MLIP: variants seen among roughly 807,000 people sequenced by gnomAD.
MLIP encodes muscular LMNA-interacting protein.
Under a neutral mutation model 84.8 loss-of-function variants are expected in MLIP, and 79 were observed. The ratio of observed to expected loss-of-function variants is 0.93; its 90% CI spans 0.78 to 1.12. MLIP has a LOEUF of 1.12. MLIP is among the 50% of genes most tolerant of loss of function. MLIP has a pLI of 0.00. For missense variants in MLIP, 1,257 were observed against 1,160.6 expected (o/e 1.08, Z -1.21); for synonymous variants, 504 against 463.0 (o/e 1.09, Z -1.14).
chr6:54,186,271 T>A (rs1365174877), intron 9 of MLIP, among the ~76,000 whole-genome samples: 2 of 152,190 alleles, frequency 1.3e-5, no homozygotes, highest in African/African-American at 4.8e-5. Flanking sequence ...AATAGAAATA[T>A]TTTAGGAACA....
At chr6:54,201,989 TA>T (rs897487231) in intron 10 of MLIP, 115 bp from the exon 11 acceptor site, 8 of 723,808 alleles carry the variant, frequency 1.1e-5, no homozygotes, top group African/African-American at 7.4e-5. Context: ...ATTTTAAAAT[TA>T]AAAAAATATA....
At chr6:54,178,924 T>C (rs1776575500) in intron 9 of MLIP, among the ~76,000 whole-genome samples, 1 of 152,210 alleles carries the variant, frequency 6.6e-6, no homozygotes, top group Non-Finnish European at 1.5e-5. Context: ...TGGTCTATAG[T>C]GCAGATTAAG....
At chr6:54,087,306 T>C (rs1008354627) in intron 1 of MLIP, among the ~76,000 whole-genome samples, 3 of 152,312 alleles carry the variant, frequency 2.0e-5, no homozygotes, top group African/African-American at 7.2e-5. Flanking sequence ...TGTAAACTGC[T>C]GAAGAGGTGG....
chr6:54,026,212 T>C (rs1561873888), intron 1 of MLIP, among the ~76,000 whole-genome samples: 1 of 152,182 alleles, frequency 6.6e-6, no homozygotes, highest in Non-Finnish European at 1.5e-5. Flanking sequence ...ATTATATGGT[T>C]GATCTCTCTG....
intron 11 of MLIP, chr6:54,216,393 A>C: frequency 1.0e-6 from 1 of 985,264 alleles, no homozygotes; most frequent in Non-Finnish European, 1.2e-6. Flanking sequence ...ATATGTATAG[A>C]AAAACATAAA....
intron 1 of MLIP, among the ~76,000 whole-genome samples, chr6:54,022,333 TG>T (rs1763543362): frequency 6.6e-6 from 1 of 152,244 alleles, no homozygotes; most frequent in Non-Finnish European, 1.5e-5. Context: ...TATTTTAATG[TG>T]TGTGCAATAA....
intron 1 of MLIP, among the ~76,000 whole-genome samples, chr6:54,120,672 C>CA (rs2150431954): frequency 1.3e-5 from 2 of 152,136 alleles, no homozygotes; most frequent in South Asian, 4.1e-4. Flanking sequence ...TCCATGCTTT[C>CA]ACTCATCTCC....
At chr6:54,155,604 A>G (rs950151965) in intron 5 of MLIP, among the ~76,000 whole-genome samples, 1 of 152,106 alleles carries the variant, frequency 6.6e-6, no homozygotes, top group Non-Finnish European at 1.5e-5. Flanking sequence ...GGAGCAAATT[A>G]GACTAACTCC....
intron 1 of MLIP, among the ~76,000 whole-genome samples, chr6:54,112,501 C>A (rs1421424026): frequency 1.3e-5 from 2 of 152,100 alleles, no homozygotes; most frequent in Non-Finnish European, 2.9e-5. Flanking sequence ...CAAATGATTG[C>A]CCTTTTTGTG....
At chr6:54,196,466 GAGGAT>G (rs1271378503) in intron 10 of MLIP, among the ~76,000 whole-genome samples, 2 of 152,100 alleles carry the variant, frequency 1.3e-5, no homozygotes, top group African/African-American at 4.8e-5. Flanking sequence ...TTAGTTTGAT[GAGGAT>G]AATGGCTTCC....
intron 9 of MLIP, among the ~76,000 whole-genome samples, chr6:54,186,254 T>C (rs915602209): frequency 3.9e-5 from 6 of 152,340 alleles, no homozygotes; most frequent in African/African-American, 1.4e-4. Flanking sequence ...ATATTTGCAA[T>C]TTCAAAAATA....
intron 1 of MLIP, chr6:54,046,412 C>A (rs961661046): frequency 6.6e-6 from 1 of 151,886 alleles, no homozygotes; most frequent in African/African-American, 2.4e-5. Flanking sequence ...TCTAAGACTT[C>A]TTCTACTACT....
intron 1 of MLIP, among the ~76,000 whole-genome samples, chr6:54,084,773 G>T (rs1202264319): frequency 6.6e-6 from 1 of 152,128 alleles, no homozygotes; most frequent in Non-Finnish European, 1.5e-5. Context: ...CCCTGTTATT[G>T]TAAAGGCATT....
Position 54,069,297 on chromosome 6 carries a change from C to T in MLIP, c.63+50206C>T, listed in dbSNP as rs556713675. The stretch of plus-strand genomic sequence containing the variant: ...TTCAGAGAATGGTATGCTTTTCCTC[C>T]CAATAAAATGGATTAATCTTTCTCA... On this transcript the variant is annotated intron_variant, in intron 1 of 12. Coordinates refer to the MLIP transcript ENST00000274897. Among the ~76,000 whole-genome samples, 28 of 101,016 alleles carry T rather than the reference C, an allele frequency of 2.8e-4. 5 individuals are homozygous for T. Among genetic ancestry groups the T allele is most frequent in the African/African-American group, 6.6e-4 (26 of 39,382 alleles). The allele number at this position is 101,016 out of a possible 152,430, so 66.3% of individuals were successfully genotyped here.
chr6:54,241,850 T>C (rs1781757664), intron 12 of MLIP, among the ~76,000 whole-genome samples: 1 of 152,090 alleles, frequency 6.6e-6, no homozygotes, highest in Non-Finnish European at 1.5e-5. Flanking sequence ...AGTGAGCAAA[T>C]AGATGTATTT....
upstream of MLIP, among the ~76,000 whole-genome samples, chr6:54,108,739 G>A (rs1252136936): frequency 6.6e-6 from 1 of 152,168 alleles, no homozygotes; most frequent in African/African-American, 2.4e-5. Flanking sequence ...TCTGAGCAGG[G>A]AAGAGTAGGG....
chr6:54,134,231 T>C (rs1218776918), intron 3 of MLIP, among the ~76,000 whole-genome samples: 2 of 152,152 alleles, frequency 1.3e-5, no homozygotes, highest in East Asian at 1.9e-4. Flanking sequence ...CCATGTATTC[T>C]TTCTGCATAC....
At chr6:54,109,476 C>G (rs1313206277), upstream of MLIP, among the ~76,000 whole-genome samples, 4 of 152,080 alleles carry the variant, frequency 2.6e-5, no homozygotes, top group Non-Finnish European at 5.9e-5. Context: ...GGGCCCACAG[C>G]CAGTGGATGA....
chr6:54,048,998 T>G (rs1021891361), intron 1 of MLIP, among the ~76,000 whole-genome samples: 1 of 152,278 alleles, frequency 6.6e-6, no homozygotes, highest in African/African-American at 2.4e-5. Flanking sequence ...ATGTCCTGGG[T>G]CATCTGGCTA....
Sources: gnomAD v4.1 joint callset for allele counts (sites outside exome capture counted in the v4.1 genomes callset) on GRCh38, gnomAD v4.1.1 for gene constraint, MANE v1.5 for transcripts, NCBI Gene and HGNC (gene_info 2026-07-23, HGNC 2026-07-21) for gene names.